OTUD7A: variants seen among roughly 807,000 people sequenced by gnomAD.
OTUD7A encodes OTU domain-containing protein 7A.
In OTUD7A, 12 loss-of-function variants were observed where a neutral mutation model predicts 65.7. That is an observed-to-expected ratio of 0.18 (90% CI 0.12 to 0.30). The LOEUF (loss-of-function observed/expected upper bound fraction) is 0.30. Ranked by LOEUF, OTUD7A falls within the 10% of genes least tolerant of loss-of-function variation. OTUD7A has a pLI of 1.00. For missense variants in OTUD7A, 1,148 were observed against 1,304.8 expected (o/e 0.88, Z 1.85); for synonymous variants, 641 against 586.3 (o/e 1.09, Z -1.35).
At chr15:31,598,773 C>T (rs1889985255) in intron 3 of OTUD7A, among the ~76,000 whole-genome samples, 1 of 152,184 alleles carries the variant, frequency 6.6e-6, no homozygotes, top group Non-Finnish European at 1.5e-5. Flanking sequence ...ATTCTCGCTG[C>T]TAGCACAGCA....
chr15:31,513,629 T>A (rs974893979), intron 8 of OTUD7A, among the ~76,000 whole-genome samples: 1 of 152,214 alleles, frequency 6.6e-6, no homozygotes, highest in Non-Finnish European at 1.5e-5. Flanking sequence ...TTCCTCACAG[T>A]TAGATTGGAT....
intron 1 of OTUD7A, among the ~76,000 whole-genome samples, chr15:31,869,773 AG>A (rs991070283): frequency 3.9e-5 from 6 of 152,288 alleles, no homozygotes; most frequent in African/African-American, 1.2e-4. Context: ...GGGAGGGAGG[AG>A]GGTACACTTG....
chr15:31,743,846 G>A (rs567925779), intron 1 of OTUD7A, among the ~76,000 whole-genome samples: 5 of 152,254 alleles, frequency 3.3e-5, no homozygotes, highest in African/African-American at 1.2e-4. Flanking sequence ...CAAGACTGAT[G>A]AAAGAGAGAA....
At chr15:31,848,368 C>T (rs983118667) in intron 1 of OTUD7A, among the ~76,000 whole-genome samples, 1 of 152,106 alleles carries the variant, frequency 6.6e-6, no homozygotes, top group African/African-American at 2.4e-5. Flanking sequence ...GACCAGTCTG[C>T]CTGGGGAAGC....
intron 3 of OTUD7A, among the ~76,000 whole-genome samples, chr15:31,580,375 G>C (rs1452988119): frequency 1.3e-5 from 2 of 152,120 alleles, no homozygotes; most frequent in African/African-American, 4.8e-5. Context: ...TTTTCAATAG[G>C]GGTGAAACTT....
chr15:31,632,301 T>C (rs1224861316), intron 3 of OTUD7A, among the ~76,000 whole-genome samples: 1 of 152,196 alleles, frequency 6.6e-6, no homozygotes, highest in Admixed American at 6.5e-5. Context: ...TAGTTTTCCT[T>C]CTAACAGACA....
chr15:31,559,458 T>C (rs979581525), intron 4 of OTUD7A, among the ~76,000 whole-genome samples: 37 of 152,084 alleles, frequency 2.4e-4, no homozygotes, highest in Admixed American at 1.7e-3. Context: ...GAGATATACA[T>C]GTGCATACAC....
intron 3 of OTUD7A, among the ~76,000 whole-genome samples, chr15:31,608,796 C>T (rs754175531): frequency 5.9e-5 from 9 of 152,282 alleles, no homozygotes; most frequent in Middle Eastern, 6.8e-3. Flanking sequence ...GAGCAGCGTG[C>T]GGAGGCTCGC....
Position 31,484,552 on chromosome 15 carries a change from G to T in OTUD7A, c.1544C>A (p.Thr515Lys). ...KEKQRKEKDKTRADSVANKLG... is the reference protein window; with the variant it reads ...KEKQRKEKDKKRADSVANKLG... ...CTTGTTGGCCACGGAGTCGGCGCGC[G>T]TCTTGTCCTTCTCCTTGCGCTGCTT... The change falls in exon 13 of 13, where the codon ACG (threonine) becomes AAG (lysine). Residue 515 changes from threonine (T) to lysine (K), a missense_variant. Thr to Lys is a moderately conservative substitution (Grantham distance 78). Transcript: ENST00000307050. The surrounding 1 kb of genome is among the most constrained non-coding windows in gnomAD (Gnocchi z 4.5). The T allele has an allele frequency of 6.2e-7, 1 of 1,611,502 alleles. No homozygotes were observed. Among genetic ancestry groups the T allele is most frequent in the Non-Finnish European group, 8.5e-7 (1 of 1,179,920 alleles).
At chr15:31,578,039 A>C (rs1889259535) in intron 3 of OTUD7A, among the ~76,000 whole-genome samples, 2 of 152,186 alleles carry the variant, frequency 1.3e-5, no homozygotes, top group Non-Finnish European at 2.9e-5. Flanking sequence ...ATAATAGTGT[A>C]AACCAAAAAT....
At chr15:31,758,816 C>A (rs1287551616) in intron 1 of OTUD7A, among the ~76,000 whole-genome samples, 1 of 152,022 alleles carries the variant, frequency 6.6e-6, no homozygotes, top group East Asian at 1.9e-4. Flanking sequence ...CAACGCTGCA[C>A]CCCACCCAGT....
At chr15:31,684,308 ACACAGCTCTGCT>A (rs1349737750) in intron 1 of OTUD7A, among the ~76,000 whole-genome samples, 1 of 152,244 alleles carries the variant, frequency 6.6e-6, no homozygotes, top group African/African-American at 2.4e-5. Context: ...CAAAGATGAA[ACACAGCTCTGCT>A]GAGAAGCATA....
At chr15:31,839,568 A>G (rs1897135119) in intron 1 of OTUD7A, among the ~76,000 whole-genome samples, 1 of 152,206 alleles carries the variant, frequency 6.6e-6, no homozygotes, top group African/African-American at 2.4e-5. Flanking sequence ...CTGTCCTGGC[A>G]TCCACTCAGC....
At position 31,526,353 on chromosome 15, in the gene OTUD7A, C is replaced by A. The variant is rs200886928; in HGVS notation, c.889G>T (p.Gly297Trp). The A allele has an allele frequency of 6.3e-6, 10 of 1,591,198 alleles. No individual in the cohort carries two copies. Among genetic ancestry groups the A allele is most frequent in the Admixed American group, 3.4e-5 (2 of 58,684 alleles). The change falls in exon 8 of 13, where the codon GGG becomes TGG. Residue 297 changes from glycine (G) to tryptophan (W), a missense_variant. Coordinates refer to ENST00000307050, the MANE Select transcript of OTUD7A (RefSeq NM_001382637.1). ...GAGAGCAGGGGCAGCACTTACCCCCCGCCCGTGCCGCCATTCTTGCTGAAG... is the reference window on the plus strand; with the variant it reads ...GAGAGCAGGGGCAGCACTTACCCCCAGCCCGTGCCGCCATTCTTGCTGAAG... ...THFSKNGGTG[G>W]GVDNSEDPVY...
At position 31,768,227 on chromosome 15, in the gene OTUD7A, C is replaced by G. The variant is rs1305685999; in HGVS notation, c.-100+102280G>C. 9.5e-6 allele frequency: 9 copies of G among 950,340 alleles called. No homozygotes were observed. The South Asian group carries it at 1.2e-4, about 12-fold the overall frequency. The allele number at this position is 950,340 out of a possible 1,614,324, so 58.9% of individuals were successfully genotyped here. A position where few individuals can be genotyped will look rare whatever the true frequency, so the allele number is the denominator to read the frequency against. ...AGGTCTGTCAGCGTCCGGTGGCATCCATGGCAGTGTAGGTGACACTCAAGA... is the reference window on the plus strand; with the variant it reads ...AGGTCTGTCAGCGTCCGGTGGCATCGATGGCAGTGTAGGTGACACTCAAGA... On this transcript the variant is annotated intron_variant, in intron 1 of 12. Coordinates refer to ENST00000307050, the MANE Select transcript of OTUD7A (RefSeq NM_001382637.1).
intron 1 of OTUD7A, among the ~76,000 whole-genome samples, chr15:31,814,449 T>A (rs1896499022): frequency 1.3e-5 from 2 of 152,090 alleles, no homozygotes; most frequent in Non-Finnish European, 2.9e-5. Flanking sequence ...ATGTGACACG[T>A]CCTAATTCAG....
At chr15:31,850,573 A>ATAC (rs966997754) in intron 1 of OTUD7A, among the ~76,000 whole-genome samples, 1 of 151,912 alleles carries the variant, frequency 6.6e-6, no homozygotes, top group African/African-American at 2.4e-5. Context: ...AATAATAATA[A>ATAC]TAAAGAAAGA....
chr15:31,610,609 A>ATTT (rs1566942812), intron 3 of OTUD7A, among the ~76,000 whole-genome samples: 3 of 39,788 alleles, frequency 7.5e-5, no homozygotes, highest in African/African-American at 3.3e-4. Flanking sequence ...ATATATATAT[A>ATTT]TATATATATT....
In OTUD7A at chr15:31,725,613, T is replaced by C. The variant is rs113878949; in HGVS notation, c.-99-68536A>G. Among the ~76,000 whole-genome samples, 761 of 152,352 alleles carry C rather than the reference T, an allele frequency of 5.0e-3. 3 individuals are homozygous for C. The highest frequency in any genetic ancestry group is 0.018 in the African/African-American group (731 of 41,588). On this transcript the variant is annotated intron_variant, in intron 1 of 12. Coordinates refer to ENST00000307050, the MANE Select transcript of OTUD7A (RefSeq NM_001382637.1). ...GGTTGGCATTAAAACTGTTCACTAATATCCACTTTTCTTCTGCTTCTGGGC... is the reference window on the plus strand; with the variant it reads ...GGTTGGCATTAAAACTGTTCACTAACATCCACTTTTCTTCTGCTTCTGGGC...
Sources: allele counts gnomAD v4.1 joint callset (sites outside exome capture counted in the v4.1 genomes callset), GRCh38; gene constraint gnomAD v4.1.1; non-coding constraint Gnocchi (gnomAD v3.1); transcripts MANE v1.5; gene names NCBI Gene and HGNC (gene_info 2026-07-23, HGNC 2026-07-21).